AGPAT4: variants seen among roughly 807,000 people sequenced by gnomAD.
The protein encoded by AGPAT4 is 1-acylglycerol-3-phosphate O-acyltransferase 4.
AGPAT4 carries 15 observed loss-of-function variants against 48.0 expected under a neutral mutation model. The observed-to-expected ratio is 0.31, with a 90% CI of 0.21 to 0.48. The LOEUF (loss-of-function observed/expected upper bound fraction) is 0.48. AGPAT4 is among the 20% of genes least tolerant of loss of function. The probability of loss-of-function intolerance (pLI) is 0.99; values close to 1 mark genes in which losing one functional copy is unlikely to be tolerated. For synonymous variants in AGPAT4, 178 were observed against 198.7 expected (o/e 0.90, Z 0.88); for missense variants, 314 against 482.5 (o/e 0.65, Z 3.27).
chr6:161,226,606 CTCTCACT>C lies in AGPAT4; in HGVS notation c.178+5423_178+5429del, dbSNP rs1394489736. On this transcript the variant is annotated intron_variant, in intron 2 of 8. Coordinates refer to ENST00000320285, the MANE Select transcript of AGPAT4 (RefSeq NM_020133.3). The surrounding 1 kb of genome is among the most constrained non-coding windows in gnomAD (Gnocchi z 6.3). Reference sequence around the variant, plus strand: ...TCAGGAAGCTGCCGCCCTCCATCTTCTCTCACTTCTCAGAGAGTCAGAAAGGCAGCCA... The same window carrying C: ...TCAGGAAGCTGCCGCCCTCCATCTTCTCTCAGAGAGTCAGAAAGGCAGCCA... Among the ~76,000 whole-genome samples the C allele has an allele frequency of 6.6e-6, 1 of 152,246 alleles. No individual in the cohort carries two copies. Among genetic ancestry groups the C allele is most frequent in the Non-Finnish European group, 1.5e-5 (1 of 68,038 alleles).
chr6:161,150,061 G>A (rs959882053), intron 5 of AGPAT4, among the ~76,000 whole-genome samples: 3 of 152,124 alleles, frequency 2.0e-5, no homozygotes, highest in African/African-American at 7.2e-5. Flanking sequence ...AGAAAAAGAA[G>A]GTAGCTACAA....
chr6:161,146,511 C>T lies in AGPAT4; in HGVS notation c.843+13G>A. On this transcript the variant is annotated intron_variant, in intron 7 of 8. Coordinates refer to ENST00000320285, the MANE Select transcript of AGPAT4 (RefSeq NM_020133.3). The surrounding 1 kb of genome is among the most constrained non-coding windows in gnomAD (Gnocchi z 7.1). The stretch of plus-strand genomic sequence containing the variant: ...TGCAACGTGAAGGGACCCCTGGCAC[C>T]CAGTGCACTGACCTTCTCCTGGTAG... The T allele has an allele frequency of 1.2e-6, 2 of 1,613,526 alleles. No homozygotes were observed. Among genetic ancestry groups the T allele is most frequent in the Non-Finnish European group, 1.7e-6 (2 of 1,179,934 alleles).
chr6:161,213,022 A>T (rs1781557952), intron 2 of AGPAT4, among the ~76,000 whole-genome samples: 1 of 151,916 alleles, frequency 6.6e-6, no homozygotes, highest in Non-Finnish European at 1.5e-5. Context: ...AACTGGCCTC[A>T]TACCTTTGTC....
chr6:161,221,947 T>C lies in AGPAT4; in HGVS notation c.178+10089A>G, dbSNP rs1287960767. On this transcript the variant is annotated intron_variant, in intron 2 of 8. Coordinates refer to ENST00000320285, the MANE Select transcript of AGPAT4 (RefSeq NM_020133.3). This position sits in a 1 kb window ranked among gnomAD's most constrained non-coding sequence, Gnocchi z 4.5. ...GACTCTATTTCCAAACAAGTTCACA[T>C]TCACAAGCACTGGGCTTTCAACATC... Among the ~76,000 whole-genome samples the C allele has an allele frequency of 6.6e-6, 1 of 152,240 alleles. No homozygotes were observed. The highest frequency in any genetic ancestry group is 1.5e-5 in the Non-Finnish European group (1 of 68,042).
In AGPAT4 at chr6:161,236,296, A is replaced by G. The variant is rs998306717; in HGVS notation, c.-89-3994T>C. 6.6e-6 allele frequency among the ~76,000 whole-genome samples: 1 copy of G among 152,166 alleles called. No homozygotes were observed. Among genetic ancestry groups the G allele is most frequent in the Non-Finnish European group, 1.5e-5 (1 of 68,032 alleles). ...GAAAAAAAAAAAGATGTTTCTTACT[A>G]TCAAGGCCAAAAATGATGAACTCGT... On this transcript the variant is annotated intron_variant, in intron 1 of 8. Coordinates refer to ENST00000320285, the MANE Select transcript of AGPAT4 (RefSeq NM_020133.3). The surrounding 1 kb of genome is among the most constrained non-coding windows in gnomAD (Gnocchi z 5.0).
intron 2 of AGPAT4, among the ~76,000 whole-genome samples, chr6:161,192,142 CTTTTTTTTTTTTT>C (rs573872820): frequency 4.4e-5 from 2 of 45,612 alleles, no homozygotes; most frequent in Non-Finnish European, 3.5e-5. Context: ...AGAAGTTATA[CTTTTTTTTTTTTT>C]TTTTTTTTTT....
chr6:161,269,922 A>G (rs1045538052), intron 1 of AGPAT4, among the ~76,000 whole-genome samples: 1 of 152,234 alleles, frequency 6.6e-6, no homozygotes, highest in African/African-American at 2.4e-5. Context: ...AGAGCAAATT[A>G]GATCGGAGAA....
intron 1 of AGPAT4, among the ~76,000 whole-genome samples, chr6:161,273,457 A>G (rs1286629764): frequency 6.6e-6 from 1 of 152,238 alleles, no homozygotes; most frequent in Non-Finnish European, 1.5e-5. Flanking sequence ...ATCAATGTAT[A>G]TCGGGGCTGC....
In AGPAT4 at chr6:161,159,348, C is replaced by T. The variant is rs929488098; in HGVS notation, c.349-5038G>A. ...CCAGGCATTATGCAGGTGCCGAGAA[C>T]TCAATGCTGGTTATGATTACCTGTG... On this transcript the variant is annotated intron_variant, in intron 3 of 8. Transcript: ENST00000320285. This position sits in a 1 kb window ranked among gnomAD's most constrained non-coding sequence, Gnocchi z 4.1. Among the ~76,000 whole-genome samples the T allele has an allele frequency of 3.3e-5, 5 of 152,160 alleles. No individual in the cohort carries two copies. Among genetic ancestry groups the T allele is most frequent in the Non-Finnish European group, 5.9e-5 (4 of 68,030 alleles).
intron 1 of AGPAT4, among the ~76,000 whole-genome samples, chr6:161,271,742 T>A (rs1379873084): frequency 6.6e-6 from 1 of 152,260 alleles, no homozygotes; most frequent in African/African-American, 2.4e-5. Context: ...CTTGCTCTTT[T>A]TCCTTTCAGT....
At chr6:161,248,330 T>A (rs1035153057) in intron 1 of AGPAT4, among the ~76,000 whole-genome samples, 1 of 151,930 alleles carries the variant, frequency 6.6e-6, no homozygotes, top group Non-Finnish European at 1.5e-5. Flanking sequence ...ATCCCAGCAC[T>A]TTGGGAGGCC....
chr6:161,255,471 G>A lies in AGPAT4; in HGVS notation c.-90+18467C>T, dbSNP rs1782921160. 6.6e-6 allele frequency among the ~76,000 whole-genome samples: 1 copy of A among 152,168 alleles called. No homozygotes were observed. The highest frequency in any genetic ancestry group is 1.5e-5 in the Non-Finnish European group (1 of 68,046). ...ATAGCCAAAGGCCGAAACAGCCCCA[G>A]TGTTCATCAACTGATGCGTGGATAA... On this transcript the variant is annotated intron_variant, in intron 1 of 8. Transcript: ENST00000320285. The surrounding 1 kb of genome is among the most constrained non-coding windows in gnomAD (Gnocchi z 4.7).
Position 161,237,405 on chromosome 6 carries a change from T to C in AGPAT4, c.-89-5103A>G, listed in dbSNP as rs544593266. On this transcript the variant is annotated intron_variant, in intron 1 of 8. Coordinates refer to ENST00000320285, the MANE Select transcript of AGPAT4 (RefSeq NM_020133.3). ...CATTAACATTAGCAAGGTTTCTTAC[T>C]GAATACCAGAAGAAGTCTCCTTCAG... Among the ~76,000 whole-genome samples the C allele has an allele frequency of 6.6e-5, 10 of 152,318 alleles. No homozygotes were observed. The South Asian group carries it at 1.9e-3, about 28-fold the overall frequency.
Position 161,223,161 on chromosome 6 carries a change from A to G in AGPAT4, c.178+8875T>C, listed in dbSNP as rs1260979201. On this transcript the variant is annotated intron_variant, in intron 2 of 8. Transcript: ENST00000320285. This position sits in a 1 kb window ranked among gnomAD's most constrained non-coding sequence, Gnocchi z 6.3. ...GCCTTCTCCACTAGACTGGGTCCCT[A>G]CCAAGGACAGCAGCTGCACCCCTCT... Among the ~76,000 whole-genome samples, 1 of 151,826 alleles carries G rather than the reference A, an allele frequency of 6.6e-6. No homozygotes were observed. The highest frequency in any genetic ancestry group is 2.4e-5 in the African/African-American group (1 of 41,290).
rs1782929506 is a variant in AGPAT4 at position 161,255,825 on chromosome 6, A to G, written c.-90+18113T>C. Among the ~76,000 whole-genome samples the G allele has an allele frequency of 6.6e-6, 1 of 152,176 alleles. No individual in the cohort carries two copies. Among genetic ancestry groups the G allele is most frequent in the Non-Finnish European group, 1.5e-5 (1 of 68,034 alleles). ...ATGGTCGCACAACCATGAATATACA[A>G]AAAGCCATTGCACTGCACACTTGCA... is the stretch of plus-strand genomic sequence containing the variant. On this transcript the variant is annotated intron_variant, in intron 1 of 8. Coordinates refer to ENST00000320285, the MANE Select transcript of AGPAT4 (RefSeq NM_020133.3). The surrounding 1 kb of genome is among the most constrained non-coding windows in gnomAD (Gnocchi z 4.7).
rs995089773 is a variant in AGPAT4 at position 161,260,046 on chromosome 6, A to G, written c.-90+13892T>C. ...CTGCGTGCCACTATAACAAGCCAAG[A>G]ACAGCATGTGGGGACAGGGCTTTAA... On this transcript the variant is annotated intron_variant, in intron 1 of 8. Transcript: ENST00000320285. 5.9e-5 allele frequency among the ~76,000 whole-genome samples: 9 copies of G among 152,256 alleles called. 1 individual carries two copies. The South Asian group carries it at 1.9e-3, about 32-fold the overall frequency.
Position 161,245,700 on chromosome 6 carries a change from G to A in AGPAT4, c.-89-13398C>T, listed in dbSNP as rs73782826. Among the ~76,000 whole-genome samples, 12,400 of 152,148 alleles carry A rather than the reference G, an allele frequency of 0.081. 1,679 individuals are homozygous for A. Among genetic ancestry groups the A allele is most frequent in the African/African-American group, 0.28 (11,671 of 41,474 alleles). Reference sequence around the variant, plus strand: ...CCCCTCCCTCTCCTACTCACTGTCCGTGAAGTGCCCTCAATCCTTGAGTTC... The same window carrying A: ...CCCCTCCCTCTCCTACTCACTGTCCATGAAGTGCCCTCAATCCTTGAGTTC... On this transcript the variant is annotated intron_variant, in intron 1 of 8. Coordinates refer to ENST00000320285, the MANE Select transcript of AGPAT4 (RefSeq NM_020133.3). This position sits in a 1 kb window ranked among gnomAD's most constrained non-coding sequence, Gnocchi z 5.2.
rs55973440 is a variant in AGPAT4, at chr6:161,219,824, G to GAGATAGAT, written c.178+12204_178+12211dup. 0.076 allele frequency among the ~76,000 whole-genome samples: 6,765 copies of GAGATAGAT among 88,506 alleles called. 580 individuals carry two copies. The highest frequency in any genetic ancestry group is 0.12 in the East Asian group (292 of 2,486). The allele number at this position is 88,506 out of a possible 152,430, so 58.1% of individuals were successfully genotyped here. On this transcript the variant is annotated intron_variant, in intron 2 of 8. Transcript: ENST00000320285. The surrounding 1 kb of genome is among the most constrained non-coding windows in gnomAD (Gnocchi z 4.9). Reference sequence around the variant, plus strand: ...AGATTCACAGTAAAAAAGATAGACAGAGATAGATAGATAGATAGATAGATA... The same window carrying GAGATAGAT: ...AGATTCACAGTAAAAAAGATAGACAGAGATAGATAGATAGATAGATAGATAGATAGATA...
chr6:161,204,227 G>C lies in AGPAT4; in HGVS notation c.178+27809C>G, dbSNP rs1411754844. 6.6e-6 allele frequency among the ~76,000 whole-genome samples: 1 copy of C among 152,172 alleles called. No individual in the cohort carries two copies. Among genetic ancestry groups the C allele is most frequent in the Non-Finnish European group, 1.5e-5 (1 of 68,030 alleles). ...GTAAGTGTACATAAAAGGGATTTGT[G>C]TGTTTATTAATAATTTTGTCTATCT... On this transcript the variant is annotated intron_variant, in intron 2 of 8. Coordinates refer to ENST00000320285, the MANE Select transcript of AGPAT4 (RefSeq NM_020133.3). The surrounding 1 kb of genome is among the most constrained non-coding windows in gnomAD (Gnocchi z 4.4).
Sources: gnomAD v4.1 joint callset for allele counts (sites outside exome capture counted in the v4.1 genomes callset) on GRCh38, gnomAD v4.1.1 for gene constraint, Gnocchi (gnomAD v3.1) non-coding constraint, MANE v1.5 for transcripts, NCBI Gene and HGNC (gene_info 2026-07-23, HGNC 2026-07-21) for gene names.